EYA4: variants seen among roughly 807,000 people sequenced by gnomAD.
EYA4 encodes EYA transcriptional coactivator and phosphatase 4.
EYA4 carries 31 observed loss-of-function variants against 87.9 expected under a neutral mutation model. The observed-to-expected ratio is 0.35, with a 90% CI of 0.27 to 0.48. The LOEUF (loss-of-function observed/expected upper bound fraction) is 0.48, where lower values mean the gene tolerates loss of function less well. Among genes scored for constraint, EYA4 ranks in the 20% least tolerant of loss-of-function variants. EYA4 has a pLI of 0.99. For missense variants in EYA4, 678 were observed against 761.4 expected (o/e 0.89, Z 1.29); for synonymous variants, 263 against 270.6 (o/e 0.97, Z 0.28).
At position 133,524,588 on chromosome 6, in the gene EYA4, G is replaced by T. The variant is rs771951119; in HGVS notation, c.1739-566G>T. ...TCTCACCCACTTGAAGAAAGGTGTT[G>T]TTTATCAAGATAAATTCACTTCTTA... On this transcript the variant is annotated intron_variant, in intron 18 of 19. Transcript: ENST00000355286. Among the ~76,000 whole-genome samples, 3 of 152,152 alleles carry T rather than the reference G, an allele frequency of 2.0e-5. No individual in the cohort carries two copies. The South Asian group carries it at 6.2e-4, about 32-fold the overall frequency.
chr6:133,418,133 T>C (rs1200813044), intron 3 of EYA4, among the ~76,000 whole-genome samples: 2 of 152,202 alleles, frequency 1.3e-5, no homozygotes, highest in African/African-American at 4.8e-5. Context: ...CTGGGGTCTT[T>C]CTCGAGCTAT....
chr6:133,301,580 ATG>A (rs1377941671), intron 2 of EYA4, among the ~76,000 whole-genome samples: 6 of 152,236 alleles, frequency 3.9e-5, no homozygotes, highest in Non-Finnish European at 4.4e-5. Context: ...AGTATTCTAC[ATG>A]TGTTACTTAA....
chr6:133,308,041 C>T (rs560045477), intron 2 of EYA4, among the ~76,000 whole-genome samples: 12 of 152,244 alleles, frequency 7.9e-5, no homozygotes, highest in Admixed American at 5.2e-4. Context: ...GTTCTCTTGC[C>T]TGCTGCCATG....
intron 13 of EYA4, among the ~76,000 whole-genome samples, chr6:133,495,489 AG>A (rs1797578285): frequency 1.2e-5 from 1 of 80,018 alleles, no homozygotes; most frequent in African/African-American, 5.9e-5. Flanking sequence ...GAAATATAGA[AG>A]AGAGAGGTAG....
At chr6:133,375,036 G>A (rs1162399150) in intron 2 of EYA4, among the ~76,000 whole-genome samples, 1 of 151,914 alleles carries the variant, frequency 6.6e-6, no homozygotes, top group Non-Finnish European at 1.5e-5. Flanking sequence ...GACAACTTTT[G>A]TGTTGCAAAG....
At chr6:133,307,284 A>G (rs1779884290) in intron 2 of EYA4, among the ~76,000 whole-genome samples, 1 of 152,180 alleles carries the variant, frequency 6.6e-6, no homozygotes, top group African/African-American at 2.4e-5. Context: ...AAAGAACTAA[A>G]TCAGTGAAGT....
intron 3 of EYA4, among the ~76,000 whole-genome samples, chr6:133,438,902 C>T (rs913573860): frequency 9.9e-5 from 15 of 151,594 alleles, no homozygotes; most frequent in Admixed American, 8.5e-4. Flanking sequence ...ATTAGCCGGG[C>T]GTGGTGGCAG....
At chr6:133,479,806 A>C (rs1024883385) in intron 11 of EYA4, among the ~76,000 whole-genome samples, 3 of 152,196 alleles carry the variant, frequency 2.0e-5, no homozygotes, top group African/African-American at 7.2e-5. Flanking sequence ...TCATATAGTA[A>C]TTCTGACTCT....
intron 6 of EYA4, among the ~76,000 whole-genome samples, chr6:133,460,155 T>G (rs1794252436): frequency 6.6e-6 from 1 of 152,142 alleles, no homozygotes; most frequent in Non-Finnish European, 1.5e-5. Context: ...CTTTGAAGTA[T>G]AACTATGATT....
At chr6:133,482,882 G>A (rs1222755058) in intron 12 of EYA4, 150 bp from the exon 13 acceptor site, 2 of 633,804 alleles carry the variant, frequency 3.2e-6, no homozygotes, top group Non-Finnish European at 5.4e-6. Flanking sequence ...AGTTAGATTT[G>A]GCAAATTTGA....
chr6:133,299,719 TAAAATAA>T (rs1412370247), intron 2 of EYA4, among the ~76,000 whole-genome samples: 1 of 40,934 alleles, frequency 2.4e-5, no homozygotes, highest in Non-Finnish European at 7.0e-5. Context: ...CTCAAAAAAA[TAAAATAA>T]AATAAAATAA....
intron 2 of EYA4, among the ~76,000 whole-genome samples, chr6:133,343,978 T>C (rs986565165): frequency 1.3e-5 from 2 of 152,162 alleles, no homozygotes; most frequent in African/African-American, 4.8e-5. Context: ...TATCAATAAA[T>C]TGTATTCATT....
chr6:133,458,461 A>G lies in EYA4; in HGVS notation c.370+1813A>G, dbSNP rs543524045. 9.5e-4 allele frequency among the ~76,000 whole-genome samples: 144 copies of G among 152,236 alleles called. 1 individual carries two copies. The highest frequency in any genetic ancestry group is 3.2e-3 in the African/African-American group (133 of 41,550). On this transcript the variant is annotated intron_variant, in intron 6 of 19. Transcript: ENST00000355286. ...CCATATTGGACAGCTCAGATACAGA[A>G]CATTTCCAACACTGTGGAAAGTTTT...
intron 3 of EYA4, among the ~76,000 whole-genome samples, chr6:133,424,690 G>T (rs1790512009): frequency 6.6e-6 from 1 of 151,312 alleles, no homozygotes; most frequent in Admixed American, 6.5e-5. Flanking sequence ...TCTCCATGGA[G>T]TGGGAGGCCC....
At chr6:133,348,944 T>G (rs1485550211) in intron 2 of EYA4, among the ~76,000 whole-genome samples, 1 of 152,070 alleles carries the variant, frequency 6.6e-6, no homozygotes, top group African/African-American at 2.4e-5. Flanking sequence ...TCACAATCTT[T>G]ACAGTGGCCT....
At chr6:133,363,805 C>T (rs527390198) in intron 2 of EYA4, among the ~76,000 whole-genome samples, 6 of 152,244 alleles carry the variant, frequency 3.9e-5, no homozygotes, top group South Asian at 2.1e-4. Flanking sequence ...CTGATGTTCC[C>T]GCTTTCGGGT....
intron 3 of EYA4, among the ~76,000 whole-genome samples, chr6:133,425,181 G>A (rs1343902531): frequency 2.7e-5 from 4 of 150,630 alleles, no homozygotes; most frequent in Non-Finnish European, 4.4e-5. Flanking sequence ...ATATATATGC[G>A]CCTATAAATT....
intron 3 of EYA4, among the ~76,000 whole-genome samples, chr6:133,392,711 C>T (rs368608678): frequency 2.6e-5 from 4 of 152,204 alleles, no homozygotes; most frequent in East Asian, 3.9e-4. Flanking sequence ...ATAGATTTGG[C>T]TTGAAATAGG....
At chr6:133,475,009 G>A (rs758853526) in intron 11 of EYA4, among the ~76,000 whole-genome samples, 34 of 152,030 alleles carry the variant, frequency 2.2e-4, no homozygotes, top group Non-Finnish European at 4.7e-4. Context: ...CTTAAAAGGT[G>A]CAGTTATTCA....
Sources: gnomAD v4.1 joint callset for allele counts (sites outside exome capture counted in the v4.1 genomes callset) on GRCh38, gnomAD v4.1.1 for gene constraint, MANE v1.5 for transcripts, NCBI Gene and HGNC (gene_info 2026-07-23, HGNC 2026-07-21) for gene names.